Variants in AOX1 observed in about 807,000 individuals in gnomAD.
AOX1 encodes the protein aldehyde oxidase 1.
In AOX1, 153 loss-of-function variants were observed where a neutral mutation model predicts 169.5. That is an observed-to-expected ratio of 0.90 (90% CI 0.79 to 1.03). AOX1 has a LOEUF of 1.03. AOX1 is among the 50% of genes least tolerant of loss of function. AOX1 has a pLI of 0.00. For synonymous variants in AOX1, 562 were observed against 581.9 expected, an observed-to-expected ratio of 0.97 and a Z score of 0.49; for missense variants, 1,656 against 1,663.9, an observed-to-expected ratio of 1.00 and a Z score of 0.08.
intron 31 of AOX1, among the ~76,000 whole-genome samples, chr2:200,665,592 T>A (rs1171244337): frequency 6.6e-6 from 1 of 152,126 alleles, no homozygotes; most frequent in Non-Finnish European, 1.5e-5. Flanking sequence ...CCATCACCCC[T>A]GGCTAATTTT....
At chr2:200,643,519 G>A (rs1052845502) in intron 25 of AOX1, among the ~76,000 whole-genome samples, 1 of 152,084 alleles carries the variant, frequency 6.6e-6, no homozygotes, top group African/African-American at 2.4e-5. Context: ...CTATAAACAT[G>A]CAGGTGCAAG....
chr2:200,586,686 A>G (rs146970584), intron 1 of AOX1, among the ~76,000 whole-genome samples: 1 of 152,334 alleles, frequency 6.6e-6, no homozygotes, highest in East Asian at 1.9e-4. Flanking sequence ...AGAAATCGTT[A>G]CTTTCCAAAG....
chr2:200,613,249 C>G (rs2034683874), intron 14 of AOX1, among the ~76,000 whole-genome samples: 1 of 152,132 alleles, frequency 6.6e-6, no homozygotes, highest in Admixed American at 6.5e-5. Context: ...GCTGCCATAA[C>G]AAAGCATAGT....
chr2:200,621,461 G>A (rs6761840), intron 18 of AOX1, among the ~76,000 whole-genome samples: 51,667 of 151,866 alleles, frequency 0.34, 8,889 homozygotes, highest in South Asian at 0.4. Flanking sequence ...AGATTATTTG[G>A]TGTTTTACAT....
chr2:200,633,449 A>C (rs1291721025), intron 20 of AOX1, among the ~76,000 whole-genome samples: 1 of 151,936 alleles, frequency 6.6e-6, no homozygotes, highest in Non-Finnish European at 1.5e-5. Flanking sequence ...ATTCTTGTAC[A>C]TTAATCATTT....
rs751391691 is a variant in AOX1 at position 200,612,757 on chromosome 2, T to A, written c.1412T>A (p.Ile471Asn). 8 of 1,613,984 alleles carry A rather than the reference T, an allele frequency of 5.0e-6. No homozygotes were observed. The highest frequency in any genetic ancestry group is 6.8e-6 in the Non-Finnish European group (8 of 1,179,938). Reference sequence around the variant, plus strand: ...TATGGAGGCGTTGGTCCAGCCACCATCTGTGCCAAGAATTCCTGCCAGAAA... The same window carrying A: ...TATGGAGGCGTTGGTCCAGCCACCAACTGTGCCAAGAATTCCTGCCAGAAA... ...ISYGGVGPAT[I>N]CAKNSCQKLI... Residue 471 changes from isoleucine (I) to asparagine (N), a missense_variant, in exon 14 of 35, where the codon ATC becomes AAC. Coordinates refer to ENST00000374700, the MANE Select transcript of AOX1 (RefSeq NM_001159.4).
At chr2:200,627,216 G>A (rs2035023865) in intron 19 of AOX1, 137 bp from the exon 20 acceptor site, 2 of 643,490 alleles carry the variant, frequency 3.1e-6, no homozygotes, top group South Asian at 2.0e-5. Flanking sequence ...GCTCACCAGG[G>A]TCATGGTGAA....
chr2:200,627,319 C>T (rs1439592446), intron 19 of AOX1, 34 bp from the exon 20 acceptor site: 1 of 1,511,316 alleles, frequency 6.6e-7, no homozygotes, highest in Non-Finnish European at 9.2e-7. Flanking sequence ...GGGTCTCTTG[C>T]CCAAGCTGCC....
chr2:200,672,229 A>C (rs1252561043), downstream of AOX1, among the ~76,000 whole-genome samples: 1 of 152,240 alleles, frequency 6.6e-6, no homozygotes. Flanking sequence ...ACAACGTGTG[A>C]ATATACTAAA....
At chr2:200,594,147 C>T (rs780671778) in intron 2 of AOX1, among the ~76,000 whole-genome samples, 10 of 152,206 alleles carry the variant, frequency 6.6e-5, no homozygotes, top group Non-Finnish European at 1.0e-4. Flanking sequence ...ATTTGATCAC[C>T]GTGTAAGTCT....
In AOX1 at chr2:200,588,850, C is replaced by T. The variant is rs1006289429; in HGVS notation, c.45+2697C>T. Among the ~76,000 whole-genome samples the T allele has an allele frequency of 1.2e-4, 18 of 148,230 alleles. 1 individual carries two copies. The highest frequency in any genetic ancestry group is 9.6e-4 in the Admixed American group (14 of 14,546). On this transcript the variant is annotated intron_variant, in intron 1 of 34. Transcript: ENST00000374700. ...TGTATTTTTAGTAGAGATGGGGTTT[C>T]ACTATGTTGGCCAAGCTGGTCTCAA... is the stretch of plus-strand genomic sequence containing the variant.
At chr2:200,599,857 C>T in intron 5 of AOX1, 111 bp downstream of exon 5, 1 of 823,932 alleles carries the variant, frequency 1.2e-6, no homozygotes, top group Non-Finnish European at 1.7e-6. Flanking sequence ...CAATCTTGGC[C>T]CCACTGTAAC....
chr2:200,668,444 C>T (rs767277363), intron 32 of AOX1, among the ~76,000 whole-genome samples, 171 bp from the exon 33 acceptor site: 3 of 152,106 alleles, frequency 2.0e-5, no homozygotes, highest in Non-Finnish European at 2.9e-5. Context: ...GCTGAACAAA[C>T]ATGTTTAAAA....
At position 200,615,820 on chromosome 2, in the gene AOX1, T is replaced by C. The variant is rs2034743439; in HGVS notation, c.1612-151T>C. 3 of 607,502 alleles carry C rather than the reference T, an allele frequency of 4.9e-6. No individual in the cohort carries two copies. In the South Asian group the frequency reaches 6.0e-5, roughly 12 times the overall value. 37.6% of individuals were successfully genotyped at this position (607,502 alleles called of 1,614,324 possible). The stretch of plus-strand genomic sequence containing the variant: ...TATGTCCTTGAGTCAGGGAGCTGCT[T>C]GTATTTCTGGGGTTCTGAATAGGGT... On this transcript the variant is annotated intron_variant, in intron 15 of 34. Transcript: ENST00000374700.
chr2:200,601,087 T>TTTG (rs2034404813), intron 5 of AOX1, among the ~76,000 whole-genome samples: 2 of 151,630 alleles, frequency 1.3e-5, no homozygotes, highest in South Asian at 2.1e-4. Context: ...TTTTTTTTTT[T>TTTG]TTTTGTCACA....
chr2:200,636,818 G>T, intron 21 of AOX1, 93 bp from the exon 22 acceptor site: 3 of 1,458,504 alleles, frequency 2.1e-6, no homozygotes, highest in Admixed American at 2.2e-5. Context: ...GTTTTTTGTT[G>T]TTGTTGTTAA....
chr2:200,650,069 C>G (rs987443109), intron 25 of AOX1, among the ~76,000 whole-genome samples: 1 of 152,170 alleles, frequency 6.6e-6, no homozygotes, highest in African/African-American at 2.4e-5. Context: ...TTTCACCCAA[C>G]AGTAGCCACT....
intron 26 of AOX1, 38 bp downstream of exon 26, chr2:200,651,239 A>C (rs1205350695): frequency 6.4e-7 from 1 of 1,572,060 alleles, no homozygotes; most frequent in Non-Finnish European, 8.8e-7. Context: ...GCTGCCTGGA[A>C]GCAGCCCTGA....
At chr2:200,666,090 G>A (rs1019775889) in intron 31 of AOX1, among the ~76,000 whole-genome samples, 3 of 152,168 alleles carry the variant, frequency 2.0e-5, no homozygotes, top group South Asian at 2.1e-4. Context: ...GAAAGCAAAG[G>A]TGTTACTAAC....
Sources: allele counts gnomAD v4.1 joint callset (sites outside exome capture counted in the v4.1 genomes callset), GRCh38; gene constraint gnomAD v4.1.1; transcripts MANE v1.5; gene names NCBI Gene and HGNC (gene_info 2026-07-23, HGNC 2026-07-21).